Variants in PEX14 observed in about 807,000 individuals in gnomAD.
PEX14 encodes the protein peroxisomal membrane protein PEX14.
A neutral mutation model predicts 49.5 loss-of-function variants in PEX14; 15 were observed. That is an observed-to-expected ratio of 0.30 (90% CI 0.20 to 0.47). The LOEUF (loss-of-function observed/expected upper bound fraction) is 0.47, where lower values mean the gene tolerates loss of function less well. Ranked by LOEUF, PEX14 falls within the 20% of genes least tolerant of loss-of-function variation. PEX14 has a pLI of 1.00. For synonymous variants in PEX14, 210 were observed against 212.7 expected, an observed-to-expected ratio of 0.99 and a Z score of 0.11; for missense variants, 398 against 494.8, an observed-to-expected ratio of 0.80 and a Z score of 1.86.
At position 10,564,342 on chromosome 1, in the gene PEX14, C is replaced by T. The variant is rs75231547; in HGVS notation, c.169+28045C>T. Among the ~76,000 whole-genome samples the T allele has an allele frequency of 4.2e-3, 634 of 151,924 alleles. 5 individuals are homozygous for T. Among genetic ancestry groups the T allele is most frequent in the African/African-American group, 0.015 (617 of 41,490 alleles). On this transcript the variant is annotated intron_variant, in intron 3 of 8. Transcript: ENST00000356607. ...TGATCTTTCAGTTTACTAACCCTTTCTTCTGCTATATCCAGTTTGCTGTTA... is the reference window on the plus strand; with the variant it reads ...TGATCTTTCAGTTTACTAACCCTTTTTTCTGCTATATCCAGTTTGCTGTTA...
intron 2 of PEX14, among the ~76,000 whole-genome samples, chr1:10,532,008 AC>A (rs1246244183): frequency 1.3e-5 from 2 of 152,154 alleles, no homozygotes; most frequent in African/African-American, 2.4e-5. Context: ...GGGATTACTT[AC>A]CCTACACAAT....
intron 2 of PEX14, among the ~76,000 whole-genome samples, chr1:10,502,466 T>C (rs1048171141): frequency 6.6e-5 from 10 of 152,208 alleles, no homozygotes; most frequent in African/African-American, 2.2e-4. Flanking sequence ...GGCGGTGCCC[T>C]TTACATTGTT....
At chr1:10,475,967 G>A (rs1420804509) in intron 1 of PEX14, among the ~76,000 whole-genome samples, 1 of 152,170 alleles carries the variant, frequency 6.6e-6, no homozygotes, top group Non-Finnish European at 1.5e-5. Flanking sequence ...CGTGTGCTCT[G>A]TTGAGCCTGT....
At chr1:10,581,784 TA>T (rs561575263) in intron 3 of PEX14, among the ~76,000 whole-genome samples, 236 of 149,918 alleles carry the variant, frequency 1.6e-3, no homozygotes, top group African/African-American at 5.4e-3. Context: ...ATTTATAAAA[TA>T]AAAATAAAAT....
In PEX14 at chr1:10,623,614, G is replaced by A. The variant is rs779087285; in HGVS notation, c.487+493G>A. Reference sequence around the variant, plus strand: ...TGGCCCAGATTAGCTGGGACCTGTCGCGCCAGAGGTGGCTTCTCTTCTTTA... The same window carrying A: ...TGGCCCAGATTAGCTGGGACCTGTCACGCCAGAGGTGGCTTCTCTTCTTTA... On this transcript the variant is annotated intron_variant, in intron 6 of 8. Transcript: ENST00000356607. This position sits in a 1 kb window ranked among gnomAD's most constrained non-coding sequence, Gnocchi z 4.4. 6.6e-5 allele frequency among the ~76,000 whole-genome samples: 10 copies of A among 152,190 alleles called. No individual in the cohort carries two copies. Among genetic ancestry groups the A allele is most frequent in the Admixed American group, 3.3e-4 (5 of 15,282 alleles).
At chr1:10,528,279 C>A (rs1638550152) in intron 2 of PEX14, 1 of 980,204 alleles carries the variant, frequency 1.0e-6, no homozygotes, top group South Asian at 4.7e-5. Context: ...GAGAGCTTCA[C>A]CAATCTCCAT....
At position 10,512,061 on chromosome 1, in the gene PEX14, G is replaced by A. The variant is rs1641893956; in HGVS notation, c.84+16740G>A. Among the ~76,000 whole-genome samples, 1 of 152,126 alleles carries A rather than the reference G, an allele frequency of 6.6e-6. No homozygotes were observed. Among genetic ancestry groups the A allele is most frequent in the Non-Finnish European group, 1.5e-5 (1 of 68,030 alleles). The stretch of plus-strand genomic sequence containing the variant: ...TGCACGCTCCGCCTCCCGGGTTTAC[G>A]CCATTCTCCTGCCTCAGCTTCCCGA... On this transcript the variant is annotated intron_variant, in intron 2 of 8. Coordinates refer to ENST00000356607, the MANE Select transcript of PEX14 (RefSeq NM_004565.3). The surrounding 1 kb of genome is among the most constrained non-coding windows in gnomAD (Gnocchi z 4.6).
At chr1:10,549,612 A>G (rs1040155969) in intron 3 of PEX14, among the ~76,000 whole-genome samples, 8 of 152,216 alleles carry the variant, frequency 5.3e-5, no homozygotes, top group African/African-American at 1.4e-4. Context: ...AAATAGAAAT[A>G]AAGGTTAAGT....
chr1:10,536,350 G>A, intron 3 of PEX14, 53 bp downstream of exon 3: 1 of 1,121,690 alleles, frequency 8.9e-7, no homozygotes, highest in Non-Finnish European at 1.4e-6. Context: ...CTGGGGCTGG[G>A]GCAGATGGAA....
intron 3 of PEX14, among the ~76,000 whole-genome samples, chr1:10,593,666 A>G (rs1427639095): frequency 1.3e-5 from 2 of 150,416 alleles, no homozygotes; most frequent in African/African-American, 4.9e-5. Flanking sequence ...TATTTTAACC[A>G]AGTGAATTAG....
At chr1:10,475,513 C>T (rs1421389448) in intron 1 of PEX14, among the ~76,000 whole-genome samples, 1 of 152,170 alleles carries the variant, frequency 6.6e-6, no homozygotes, top group Admixed American at 6.5e-5. Flanking sequence ...ATAATCTAGT[C>T]GAGCCCTCTC....
intron 2 of PEX14, among the ~76,000 whole-genome samples, chr1:10,525,871 G>T (rs569643808): frequency 1.3e-5 from 2 of 151,728 alleles, no homozygotes; most frequent in African/African-American, 4.8e-5. Context: ...TGATCCGCCC[G>T]CCTTGGCCCC....
intron 3 of PEX14, among the ~76,000 whole-genome samples, chr1:10,592,488 G>A (rs284274): frequency 0.14 from 21,273 of 151,930 alleles, 2,816 homozygotes; most frequent in African/African-American, 0.35. Flanking sequence ...CCTCCCAGTC[G>A]TTCATATGAG....
At chr1:10,607,814 G>A (rs184159325) in intron 4 of PEX14, among the ~76,000 whole-genome samples, 4 of 152,300 alleles carry the variant, frequency 2.6e-5, no homozygotes, top group Non-Finnish European at 4.4e-5. Context: ...TTTCCTCCCA[G>A]TTGGTGGCTT....
Position 10,623,210 on chromosome 1 carries a change from T to A in PEX14, c.487+89T>A. 1.2e-6 allele frequency: 1 copy of A among 816,996 alleles called. No individual in the cohort carries two copies. The highest frequency in any genetic ancestry group is 2.1e-6 in the Non-Finnish European group (1 of 474,950). 50.6% of individuals were successfully genotyped at this position (816,996 alleles called of 1,614,324 possible). A position where few individuals can be genotyped will look rare whatever the true frequency, so the allele number is the denominator to read the frequency against. On this transcript the variant is annotated intron_variant, in intron 6 of 8. Transcript: ENST00000356607. This position sits in a 1 kb window ranked among gnomAD's most constrained non-coding sequence, Gnocchi z 4.4. ...CCCTCCCCTCTCCCTCTGTCTCCAC[T>A]CTATGTGGTGACTTCATTTATCTGC...
chr1:10,515,516 G>A (rs1259330073), intron 2 of PEX14, among the ~76,000 whole-genome samples: 1 of 152,172 alleles, frequency 6.6e-6, no homozygotes, highest in Non-Finnish European at 1.5e-5. Context: ...TGCCTGGCCG[G>A]CTTGTGTGGC....
chr1:10,543,448 C>G (rs986224027), intron 3 of PEX14, among the ~76,000 whole-genome samples: 2 of 152,050 alleles, frequency 1.3e-5, no homozygotes, highest in Non-Finnish European at 2.9e-5. Context: ...CAGTTTTGAC[C>G]TAGCCATTGA....
intron 4 of PEX14, among the ~76,000 whole-genome samples, chr1:10,606,776 G>C (rs1641138158): frequency 6.6e-6 from 1 of 152,116 alleles, no homozygotes; most frequent in Admixed American, 6.5e-5. Flanking sequence ...AAAACTTAGA[G>C]CCTACACCAC....
chr1:10,559,397 CA>C (rs1339431563), intron 3 of PEX14, among the ~76,000 whole-genome samples: 4 of 152,162 alleles, frequency 2.6e-5, no homozygotes, highest in Non-Finnish European at 5.9e-5. Flanking sequence ...AATGGCTTGA[CA>C]TGCTGAAAAC....
Sources: allele counts gnomAD v4.1 joint callset (sites outside exome capture counted in the v4.1 genomes callset), GRCh38; gene constraint gnomAD v4.1.1; non-coding constraint Gnocchi (gnomAD v3.1); transcripts MANE v1.5; gene names NCBI Gene and HGNC (gene_info 2026-07-23, HGNC 2026-07-21).